The following ASAP1 variants were observed in gnomAD, a reference collection of about 807,000 sequenced individuals.
The protein encoded by ASAP1 is ArfGAP with SH3 domain, ankyrin repeat and PH domain 1, also known as arf-GAP with SH3 domain, ANK repeat and PH domain-containing protein 1.
In ASAP1, 43 loss-of-function variants were observed where a neutral mutation model predicts 145.2. The ratio of observed to expected loss-of-function variants is 0.30; its 90% CI spans 0.23 to 0.38. ASAP1 has a LOEUF of 0.38. Ranked by LOEUF, ASAP1 falls within the 10% of genes least tolerant of loss-of-function variation. ASAP1 has a pLI of 1.00. For missense variants in ASAP1, 1,018 were observed against 1,355.3 expected (o/e 0.75, Z 3.91); for synonymous variants, 546 against 515.5 (o/e 1.06, Z -0.80).
At chr8:130,163,810 A>T (rs1053124439) in intron 11 of ASAP1, among the ~76,000 whole-genome samples, 1 of 152,256 alleles carries the variant, frequency 6.6e-6, no homozygotes, top group African/African-American at 2.4e-5. Flanking sequence ...GGGCAAAAAC[A>T]TAAAACATAA....
intron 5 of ASAP1, among the ~76,000 whole-genome samples, 166 bp from the exon 6 acceptor site, chr8:130,188,349 A>G (rs1402907140): frequency 2.0e-5 from 3 of 152,228 alleles, no homozygotes; most frequent in Non-Finnish European, 2.9e-5. Context: ...GTTAGGCGAC[A>G]CAATTATCAC....
At chr8:130,080,501 A>C (rs1393493483) in intron 25 of ASAP1, among the ~76,000 whole-genome samples, 16 of 142,152 alleles carry the variant, frequency 1.1e-4, no homozygotes, top group African/African-American at 4.2e-4. Flanking sequence ...TTTTTGAGAC[A>C]GTCTCACTCT....
intron 3 of ASAP1, among the ~76,000 whole-genome samples, chr8:130,302,831 C>A (rs1236463990): frequency 6.6e-6 from 1 of 152,166 alleles, no homozygotes; most frequent in Admixed American, 6.5e-5. Flanking sequence ...GGGGAGAAAA[C>A]TATGAAGAAA....
At chr8:130,351,154 A>G (rs1825971681) in intron 3 of ASAP1, among the ~76,000 whole-genome samples, 1 of 152,236 alleles carries the variant, frequency 6.6e-6, no homozygotes, top group African/African-American at 2.4e-5. Flanking sequence ...ATAGAGGTAA[A>G]AAGATAATTA....
intron 1 of ASAP1, among the ~76,000 whole-genome samples, chr8:130,433,832 G>GT (rs1290912822): frequency 6.6e-6 from 1 of 152,182 alleles, no homozygotes; most frequent in African/African-American, 2.4e-5. Flanking sequence ...TTAAAAAACT[G>GT]TGAGAGTTTT....
Position 130,054,329 on chromosome 8 carries a change from C to T in ASAP1, c.*402G>A, listed in dbSNP as rs2097398951. 1 of 170,276 alleles carries T rather than the reference C, an allele frequency of 5.9e-6. No individual in the cohort carries two copies. Among genetic ancestry groups the T allele is most frequent in the Non-Finnish European group, 1.3e-5 (1 of 77,592 alleles). The allele number at this position is 170,276 out of a possible 1,614,324, so 10.5% of individuals were successfully genotyped here. ...AGAACCCACCTCTTTGCTAATGTTG[C>T]ATTTTCAGTAACACAATTGAGAATA... On this transcript the variant is annotated 3_prime_UTR_variant, in exon 30 of 30. Transcript: ENST00000518721.
chr8:130,311,537 G>T (rs951791254), intron 3 of ASAP1, among the ~76,000 whole-genome samples: 27 of 152,126 alleles, frequency 1.8e-4, no homozygotes, highest in African/African-American at 6.3e-4. Flanking sequence ...CAAGGCGGGA[G>T]GATCACCTGA....
chr8:130,244,847 T>C (rs1244442591), intron 3 of ASAP1, among the ~76,000 whole-genome samples: 1 of 152,124 alleles, frequency 6.6e-6, no homozygotes, highest in Non-Finnish European at 1.5e-5. Context: ...CCCATGGCAT[T>C]CTATCTGACA....
intron 12 of ASAP1, among the ~76,000 whole-genome samples, chr8:130,153,663 T>C (rs2097652283): frequency 6.6e-6 from 1 of 151,994 alleles, no homozygotes; most frequent in Non-Finnish European, 1.5e-5. Context: ...CCACTGTGAC[T>C]GGCCGTGGCA....
At chr8:130,374,446 G>A (rs940474935) in intron 2 of ASAP1, among the ~76,000 whole-genome samples, 6 of 152,218 alleles carry the variant, frequency 3.9e-5, no homozygotes, top group Non-Finnish European at 8.8e-5. Context: ...AAGGCAGGAG[G>A]ATTGCTTGAG....
At chr8:130,402,051 GA>G in intron 1 of ASAP1, 81 bp from the exon 2 acceptor site, 1 of 884,662 alleles carries the variant, frequency 1.1e-6, no homozygotes, top group Non-Finnish European at 1.8e-6. Context: ...ACCAAGATCG[GA>G]TTTCATATGG....
At chr8:130,408,519 G>C (rs1014636800) in intron 1 of ASAP1, among the ~76,000 whole-genome samples, 4 of 152,082 alleles carry the variant, frequency 2.6e-5, no homozygotes, top group Admixed American at 2.6e-4. Flanking sequence ...TAGACCTTCG[G>C]GCTAGGACTG....
At chr8:130,310,281 A>G (rs113203984) in intron 3 of ASAP1, among the ~76,000 whole-genome samples, 2,494 of 152,298 alleles carry the variant, frequency 0.016, 68 homozygotes, top group African/African-American at 0.055. Context: ...ATTATGAAGT[A>G]GAAAATTATG....
chr8:130,431,199 G>A (rs765488218), intron 1 of ASAP1, among the ~76,000 whole-genome samples: 1 of 152,008 alleles, frequency 6.6e-6, no homozygotes, highest in East Asian at 1.9e-4. Flanking sequence ...CCAGACTCCT[G>A]TAAGAGCATC....
chr8:130,183,981 A>G (rs905365780), intron 7 of ASAP1, among the ~76,000 whole-genome samples: 1 of 152,232 alleles, frequency 6.6e-6, no homozygotes, highest in Non-Finnish European at 1.5e-5. Context: ...TCATGCTAAT[A>G]AAATACATAA....
intron 3 of ASAP1, among the ~76,000 whole-genome samples, chr8:130,345,276 T>C (rs1825640580): frequency 6.6e-6 from 1 of 152,184 alleles, no homozygotes; most frequent in South Asian, 2.1e-4. Flanking sequence ...GAGAGGTCAA[T>C]ACTTTTTGAA....
At chr8:130,289,212 A>C (rs1368549232) in intron 3 of ASAP1, among the ~76,000 whole-genome samples, 2 of 152,094 alleles carry the variant, frequency 1.3e-5, no homozygotes, top group African/African-American at 4.8e-5. Context: ...ACAAACAAAA[A>C]AAAAAACTAT....
chr8:130,441,467 G>A (rs1038156861), intron 1 of ASAP1, among the ~76,000 whole-genome samples: 3 of 152,206 alleles, frequency 2.0e-5, no homozygotes, highest in East Asian at 3.8e-4. Context: ...GTGAAAAAAC[G>A]GCAGGGAAAA....
chr8:130,245,739 T>C (rs944765176), intron 3 of ASAP1, among the ~76,000 whole-genome samples: 3 of 152,206 alleles, frequency 2.0e-5, no homozygotes, highest in Non-Finnish European at 2.9e-5. Flanking sequence ...TCTGCCTCTA[T>C]ATTAAAAGCA....
Sources: allele counts gnomAD v4.1 joint callset (sites outside exome capture counted in the v4.1 genomes callset), GRCh38; gene constraint gnomAD v4.1.1; transcripts MANE v1.5; gene names NCBI Gene and HGNC (gene_info 2026-07-23, HGNC 2026-07-21).